CSMD2: variants seen among roughly 807,000 people sequenced by gnomAD.
CSMD2 encodes the protein CUB and Sushi multiple domains 2.
A neutral mutation model predicts 398.5 loss-of-function variants in CSMD2; 130 were observed. That is an observed-to-expected ratio of 0.33 (90% CI 0.28 to 0.38). CSMD2 has a LOEUF of 0.38. Among genes scored for constraint, CSMD2 ranks in the 10% least tolerant of loss-of-function variants. The pLI, the probability that CSMD2 is intolerant of heterozygous loss-of-function variation, is 1.00. For missense variants in CSMD2, 3,829 were observed against 4,764.9 expected, an observed-to-expected ratio of 0.80 and a Z score of 5.78; for synonymous variants, 1,828 against 1,908.5, an observed-to-expected ratio of 0.96 and a Z score of 1.10.
At position 33,519,040 on chromosome 1, in the gene CSMD2, C is replaced by T. The variant is rs1474835662; in HGVS notation, c.*53+425G>A. On this transcript the variant is annotated intron_variant, in intron 70 of 70. Transcript: ENST00000373381. The surrounding 1 kb of genome is among the most constrained non-coding windows in gnomAD (Gnocchi z 5.6). The stretch of plus-strand genomic sequence containing the variant: ...AGATCTCCAGGGCTTGACTTCGACC[C>T]AGAGGATGTATATATCCAGTTGGTT... 6.6e-6 allele frequency among the ~76,000 whole-genome samples: 1 copy of T among 152,088 alleles called. No homozygotes were observed. Among genetic ancestry groups the T allele is most frequent in the African/African-American group, 2.4e-5 (1 of 41,396 alleles).
intron 5 of CSMD2, among the ~76,000 whole-genome samples, chr1:33,907,318 G>A (rs1643159652): frequency 6.6e-6 from 1 of 150,662 alleles, no homozygotes; most frequent in South Asian, 2.1e-4. Flanking sequence ...TAGTAGAGAC[G>A]GGGTTTCACC....
intron 21 of CSMD2, chr1:33,709,577 A>T (rs368665018): frequency 2.3e-6 from 1 of 436,406 alleles, no homozygotes; most frequent in Middle Eastern, 5.8e-4. Flanking sequence ...GCCGTGCCAC[A>T]TACCTATTCA....
At chr1:34,084,674 A>T (rs1162389295) in intron 2 of CSMD2, among the ~76,000 whole-genome samples, 1 of 152,104 alleles carries the variant, frequency 6.6e-6, no homozygotes, top group East Asian at 1.9e-4. Flanking sequence ...TCAAAACCAC[A>T]ATGAGATACC....
At chr1:33,774,359 G>A (rs559550450) in intron 12 of CSMD2, among the ~76,000 whole-genome samples, 1 of 152,252 alleles carries the variant, frequency 6.6e-6, no homozygotes, top group African/African-American at 2.4e-5. Flanking sequence ...CTCAGGGATG[G>A]GGGAGGGGAT....
chr1:33,900,793 A>G (rs1230527388), intron 5 of CSMD2, among the ~76,000 whole-genome samples: 1 of 152,226 alleles, frequency 6.6e-6, no homozygotes, highest in Non-Finnish European at 1.5e-5. Context: ...AAAAAAAAAA[A>G]AGAGTTTTGT....
intron 3 of CSMD2, among the ~76,000 whole-genome samples, chr1:33,954,529 A>C (rs1310177236): frequency 2.0e-5 from 3 of 152,150 alleles, no homozygotes; most frequent in African/African-American, 7.2e-5. Context: ...GAGCACTATC[A>C]CAACAGCCAA....
intron 2 of CSMD2, among the ~76,000 whole-genome samples, chr1:34,037,632 T>C (rs1004388512): frequency 2.0e-5 from 3 of 152,216 alleles, no homozygotes; most frequent in Admixed American, 2.0e-4. Flanking sequence ...TCTACCAGAA[T>C]TATGCCCTTG....
chr1:33,551,848 C>T (rs1657475472), intron 55 of CSMD2, among the ~76,000 whole-genome samples: 1 of 152,188 alleles, frequency 6.6e-6, no homozygotes, highest in Non-Finnish European at 1.5e-5. Context: ...TTGGCAGCTT[C>T]TACCTTCCCT....
At chr1:34,117,937 G>A (rs1157938215) in intron 1 of CSMD2, among the ~76,000 whole-genome samples, 3 of 152,186 alleles carry the variant, frequency 2.0e-5, no homozygotes, top group African/African-American at 4.8e-5. Context: ...TCAGCCAGGC[G>A]TGGTGGTGGC....
chr1:33,958,796 G>T (rs907069063), intron 3 of CSMD2, among the ~76,000 whole-genome samples: 2 of 152,226 alleles, frequency 1.3e-5, no homozygotes, highest in Non-Finnish European at 2.9e-5. Context: ...ACTTAGTTCA[G>T]CCATGCCTGG....
rs374717703 is a variant in CSMD2 at position 33,856,311 on chromosome 1, A to G, written c.921-9315T>C. On this transcript the variant is annotated intron_variant, in intron 5 of 70. Coordinates refer to ENST00000373381, the MANE Select transcript of CSMD2 (RefSeq NM_001281956.2). ...GGTGATAGAGCAGTGCAGGGGTAGA[A>G]GGACAGGGCACTCTGTGGTACCCAG... 2.6e-5 allele frequency among the ~76,000 whole-genome samples: 4 copies of G among 152,284 alleles called. No homozygotes were observed. In the East Asian group the frequency reaches 7.7e-4, roughly 29 times the overall value.
chr1:33,944,323 G>A (rs1211913139), intron 3 of CSMD2, among the ~76,000 whole-genome samples: 2 of 152,108 alleles, frequency 1.3e-5, no homozygotes, highest in African/African-American at 4.8e-5. Context: ...CGAGTGGGCT[G>A]CACCAGGGAA....
chr1:33,544,006 A>AG (rs1370777406), intron 57 of CSMD2, among the ~76,000 whole-genome samples: 1 of 151,906 alleles, frequency 6.6e-6, no homozygotes, highest in African/African-American at 2.4e-5. Flanking sequence ...TTTAGCCAAT[A>AG]GGAGCCTCTT....
intron 2 of CSMD2, among the ~76,000 whole-genome samples, chr1:34,056,321 T>C (rs1257295084): frequency 1.3e-5 from 2 of 152,196 alleles, no homozygotes; most frequent in Non-Finnish European, 1.5e-5. Flanking sequence ...ATTTCCTTCA[T>C]GTTTCTGCCT....
intron 6 of CSMD2, among the ~76,000 whole-genome samples, chr1:33,835,971 G>GT (rs1427601577): frequency 2.6e-5 from 4 of 152,162 alleles, no homozygotes; most frequent in African/African-American, 7.2e-5. Flanking sequence ...TTTCTGCTCT[G>GT]TTTTTTCCCC....
chr1:33,532,420 C>G (rs549096817), intron 64 of CSMD2, among the ~76,000 whole-genome samples: 22 of 152,340 alleles, frequency 1.4e-4, no homozygotes, highest in African/African-American at 4.1e-4. Flanking sequence ...TCCCTCAAGA[C>G]TGGACTCAGA....
chr1:33,517,661 AT>A (rs983978447), intron 70 of CSMD2, among the ~76,000 whole-genome samples: 4 of 152,234 alleles, frequency 2.6e-5, no homozygotes, highest in Non-Finnish European at 4.4e-5. Flanking sequence ...TCCCACTGGA[AT>A]AAGGGGGAAC....
intron 13 of CSMD2, among the ~76,000 whole-genome samples, chr1:33,771,694 G>A (rs942354620): frequency 2.0e-5 from 3 of 152,132 alleles, no homozygotes; most frequent in African/African-American, 7.2e-5. Flanking sequence ...TCTCTAGTGT[G>A]CAGAACTCGA....
rs1194556107 is a variant in CSMD2, at chr1:33,709,254, C to T, written c.3411G>A (p.Glu1137=). Residue 1137 remains glutamate, a synonymous_variant, in exon 22 of 71, where the codon GAG becomes GAA. Coordinates refer to ENST00000373381, the MANE Select transcript of CSMD2 (RefSeq NM_001281956.2). ...WSSPLPRCVA[E]CGNSVTGTQG... ...GAGTGCCTGTGACTGAATTCCCACACTCAGCTGGAAAGAGAATCACAATAA... is the reference window on the plus strand; with the variant it reads ...GAGTGCCTGTGACTGAATTCCCACATTCAGCTGGAAAGAGAATCACAATAA... 12 of 1,612,840 alleles carry T rather than the reference C, an allele frequency of 7.4e-6. No individual in the cohort carries two copies. Among genetic ancestry groups the T allele is most frequent in the Non-Finnish European group, 1.0e-5 (12 of 1,179,416 alleles).
Sources: allele counts gnomAD v4.1 joint callset (sites outside exome capture counted in the v4.1 genomes callset), GRCh38; gene constraint gnomAD v4.1.1; non-coding constraint Gnocchi (gnomAD v3.1); transcripts MANE v1.5; gene names NCBI Gene and HGNC (gene_info 2026-07-23, HGNC 2026-07-21).